Variants in ABCG8 observed in about 807,000 individuals in gnomAD.
ABCG8 encodes the protein ATP-binding cassette sub-family G member 8.
Under a neutral mutation model 71.3 loss-of-function variants are expected in ABCG8, and 81 were observed. That is an observed-to-expected ratio of 1.14 (90% CI 0.95 to 1.37). ABCG8 has a LOEUF of 1.37. Ranked by LOEUF, ABCG8 falls within the 40% of genes most tolerant of loss-of-function variation. ABCG8 has a pLI of 0.00. For synonymous variants in ABCG8, 451 were observed against 354.7 expected, an observed-to-expected ratio of 1.27 and a Z score of -3.05; for missense variants, 1,119 against 866.2, an observed-to-expected ratio of 1.29 and a Z score of -3.66.
intron 6 of ABCG8, among the ~76,000 whole-genome samples, chr2:43,869,359 C>G (rs553900743): frequency 5.3e-5 from 8 of 152,234 alleles, no homozygotes; most frequent in African/African-American, 1.9e-4. Context: ...GGATAGAACT[C>G]TCACTATCTG....
At chr2:43,861,188 A>G (rs1669304927) in intron 6 of ABCG8, among the ~76,000 whole-genome samples, 1 of 151,456 alleles carries the variant, frequency 6.6e-6, no homozygotes. Flanking sequence ...CCATCTAGAT[A>G]GAACTCTCAC....
intron 6 of ABCG8, among the ~76,000 whole-genome samples, chr2:43,854,983 C>CAAG (rs1266560360): frequency 1.3e-5 from 2 of 152,196 alleles, no homozygotes; most frequent in Non-Finnish European, 2.9e-5. Flanking sequence ...AGCAGCCGAC[C>CAAG]AAGGGGTCAG....
intron 3 of ABCG8, 168 bp downstream of exon 3, chr2:43,846,479 G>T (rs986018546): frequency 1.2e-5 from 12 of 999,588 alleles, no homozygotes; most frequent in Non-Finnish European, 1.8e-5. Flanking sequence ...TCAAATCCTG[G>T]CTCCTCCATT....
At chr2:43,854,292 G>A (rs1669025720) in intron 6 of ABCG8, among the ~76,000 whole-genome samples, 1 of 152,160 alleles carries the variant, frequency 6.6e-6, no homozygotes, top group Non-Finnish European at 1.5e-5. Flanking sequence ...TGGTTTATAA[G>A]ACCCCACCTA....
intron 6 of ABCG8, among the ~76,000 whole-genome samples, chr2:43,862,638 A>T (rs951769465): frequency 6.6e-6 from 1 of 150,630 alleles, no homozygotes; most frequent in African/African-American, 2.4e-5. Context: ...CACTATCTGG[A>T]TAGAATTCTC....
chr2:43,851,908 G>T (rs1235385114), intron 4 of ABCG8, 86 bp downstream of exon 4: 10 of 1,471,076 alleles, frequency 6.8e-6, no homozygotes, highest in Middle Eastern at 1.8e-4. Flanking sequence ...CTTGCCTCAG[G>T]ACCCAGCCGC....
chr2:43,866,973 T>G (rs1669551213), intron 6 of ABCG8, among the ~76,000 whole-genome samples: 1 of 151,260 alleles, frequency 6.6e-6, no homozygotes, highest in African/African-American at 2.4e-5. Context: ...TAGACTGGAT[T>G]AAGAAAATGT....
chr2:43,873,961 C>T lies in ABCG8; in HGVS notation c.1386C>T (p.Asn462=), dbSNP rs371163697. ...TGATCGGTGCTCTCATCCCTTTCAACGTCATTCTGGATGTCATCTCCAAAT... is the reference window on the plus strand; with the variant it reads ...TGATCGGTGCTCTCATCCCTTTCAATGTCATTCTGGATGTCATCTCCAAAT... ...LFMIGALIPF[N]VILDVISKCY... The change falls in exon 9 of 13, where the codon AAC becomes AAT. Residue 462 remains asparagine, a synonymous_variant. Coordinates refer to ENST00000272286, the MANE Select transcript of ABCG8 (RefSeq NM_022437.3). 351 of 1,614,090 alleles carry T rather than the reference C, an allele frequency of 2.2e-4. 10 individuals are homozygous for T. The highest frequency in any genetic ancestry group is 8.8e-4 in the South Asian group (80 of 91,074).
chr2:43,875,221 A>G lies in ABCG8; in HGVS notation c.1564A>G (p.Arg522Gly), dbSNP rs748286386. 6.2e-7 allele frequency: 1 copy of G among 1,614,190 alleles called. No individual in the cohort carries two copies. Among genetic ancestry groups the G allele is most frequent in the South Asian group, 1.1e-5 (1 of 91,082 alleles). Residue 522 changes from arginine (R) to glycine (G), a missense_variant, in exon 11 of 13, where the codon AGG becomes GGG. Arg to Gly is a moderately radical substitution (Grantham distance 125). Transcript: ENST00000272286. ...GCCCACCTACTGGCTGGCCAACCTG[A>G]GGCCAGGCCTCCAGCCCTTCCTGCT... ...GMPTYWLANLRPGLQPFLLHF... is the reference protein window; with the variant it reads ...GMPTYWLANLGPGLQPFLLHF...
intron 6 of ABCG8, among the ~76,000 whole-genome samples, chr2:43,853,327 TG>T (rs1431749933): frequency 1.3e-5 from 2 of 152,090 alleles, no homozygotes; most frequent in African/African-American, 4.8e-5. Flanking sequence ...TCTCTAGATG[TG>T]AAAATTGCTC....
chr2:43,872,929 CTG>C (rs1411702195), intron 8 of ABCG8, among the ~76,000 whole-genome samples: 3 of 152,210 alleles, frequency 2.0e-5, no homozygotes, highest in Non-Finnish European at 4.4e-5. Context: ...CCAGACGGCA[CTG>C]TGTGGCGTGT....
At chr2:43,853,739 G>A (rs1572837500) in intron 6 of ABCG8, among the ~76,000 whole-genome samples, 1 of 152,176 alleles carries the variant, frequency 6.6e-6, no homozygotes, top group East Asian at 1.9e-4. Flanking sequence ...CAGATGAGAA[G>A]CCTGGAGCTT....
intron 11 of ABCG8, among the ~76,000 whole-genome samples, chr2:43,876,804 G>A (rs1022742670): frequency 6.6e-6 from 1 of 150,764 alleles, no homozygotes; most frequent in Non-Finnish European, 1.5e-5. Flanking sequence ...GGAATATGAA[G>A]AGACTGTGTG....
chr2:43,870,193 CAA>C (rs1669712884), intron 6 of ABCG8, among the ~76,000 whole-genome samples: 2 of 152,062 alleles, frequency 1.3e-5, no homozygotes, highest in East Asian at 3.9e-4. Context: ...AGAACTCTCA[CAA>C]TCTGGATAGA....
At chr2:43,858,212 C>A (rs763476512) in intron 6 of ABCG8, among the ~76,000 whole-genome samples, 10 of 151,672 alleles carry the variant, frequency 6.6e-5, no homozygotes, top group Admixed American at 2.6e-4. Flanking sequence ...TTAGAATTCT[C>A]ACTCTCTGGA....
In ABCG8 at chr2:43,851,840, G is replaced by A. The variant is rs886168715; in HGVS notation, c.561+18G>A. On this transcript the variant is annotated intron_variant, in intron 4 of 12. Transcript: ENST00000272286. ...ACAAAAGGGTAACTAACTGGCCCCAGTGGTGACCCCCAGGTCCAAGAAGCT... is the reference window on the plus strand; with the variant it reads ...ACAAAAGGGTAACTAACTGGCCCCAATGGTGACCCCCAGGTCCAAGAAGCT... 6 of 1,613,064 alleles carry A rather than the reference G, an allele frequency of 3.7e-6. No individual in the cohort carries two copies. The highest frequency in any genetic ancestry group is 3.4e-6 in the Non-Finnish European group (4 of 1,179,492).
chr2:43,869,446 A>G (rs896720472), intron 6 of ABCG8, among the ~76,000 whole-genome samples: 1 of 150,462 alleles, frequency 6.6e-6, no homozygotes, highest in African/African-American at 2.5e-5. Context: ...TAGAACTCTC[A>G]CTATCTATCT....
At chr2:43,864,624 C>T (rs1353311772) in intron 6 of ABCG8, among the ~76,000 whole-genome samples, 5 of 151,778 alleles carry the variant, frequency 3.3e-5, no homozygotes, top group Non-Finnish European at 5.9e-5. Flanking sequence ...AGGTAGAATT[C>T]TCACTATGTG....
rs1670145197 is a variant in ABCG8, at chr2:43,882,033, G to C, written c.*4120G>C. 6.6e-6 allele frequency: 1 copy of C among 152,150 alleles called. No individual in the cohort carries two copies. Among genetic ancestry groups the C allele is most frequent in the South Asian group, 2.1e-4 (1 of 4,830 alleles). The allele number at this position is 152,150 out of a possible 1,614,324, so 9.4% of individuals were successfully genotyped here. A position where few individuals can be genotyped will look rare whatever the true frequency, so the allele number is the denominator to read the frequency against. On this transcript the variant is annotated 3_prime_UTR_variant, in exon 13 of 13. Transcript: ENST00000272286. ...TTGACCTGAGGGTGTAGTTTGCAGAGCCTTGGTAAAGGTTTTCAAATTTGC... is the reference window on the plus strand; with the variant it reads ...TTGACCTGAGGGTGTAGTTTGCAGACCCTTGGTAAAGGTTTTCAAATTTGC...
Sources: allele counts gnomAD v4.1 joint callset (sites outside exome capture counted in the v4.1 genomes callset), GRCh38; gene constraint gnomAD v4.1.1; transcripts MANE v1.5; gene names NCBI Gene and HGNC (gene_info 2026-07-23, HGNC 2026-07-21).